The following EFCAB8 variants were observed in gnomAD, a reference collection of about 807,000 sequenced individuals.
EFCAB8 encodes the protein EF-hand calcium binding domain 8.
In EFCAB8, 100 loss-of-function variants were observed where a neutral mutation model predicts 116.3. The ratio of observed to expected loss-of-function variants is 0.86; its 90% CI spans 0.73 to 1.02. The LOEUF (loss-of-function observed/expected upper bound fraction) is 1.02, where lower values mean the gene tolerates loss of function less well. Among genes scored for constraint, EFCAB8 ranks in the 50% least tolerant of loss-of-function variants. The probability of loss-of-function intolerance (pLI) is 0.00; values close to 1 mark genes in which losing one functional copy is unlikely to be tolerated. For synonymous variants in EFCAB8, 558 were observed against 567.9 expected (o/e 0.98, Z 0.25); for missense variants, 1,320 against 1,416.9 (o/e 0.93, Z 1.10).
intron 23 of EFCAB8, among the ~76,000 whole-genome samples, chr20:32,949,238 G>C (rs1215440293): frequency 6.6e-6 from 1 of 152,122 alleles, no homozygotes; most frequent in Non-Finnish European, 1.5e-5. Context: ...TAAATACCAA[G>C]ATATGTAAGT....
chr20:32,884,228 T>C (rs1158288401), intron 5 of EFCAB8, among the ~76,000 whole-genome samples: 5 of 152,248 alleles, frequency 3.3e-5, no homozygotes, highest in African/African-American at 9.6e-5. Flanking sequence ...ACTTAAAACA[T>C]TGGCTTACCT....
At chr20:32,939,231 C>A (rs1988303097) in intron 22 of EFCAB8, among the ~76,000 whole-genome samples, 1 of 109,988 alleles carries the variant, frequency 9.1e-6, no homozygotes, top group Non-Finnish European at 1.8e-5. Flanking sequence ...TCTCTCTTTC[C>A]CTCCCTCCCT....
At chr20:32,939,135 C>G (rs1988262204) in intron 22 of EFCAB8, among the ~76,000 whole-genome samples, 1 of 24,386 alleles carries the variant, frequency 4.1e-5, no homozygotes, top group Non-Finnish European at 7.7e-5. Flanking sequence ...CTCTTTCTTT[C>G]TTTCTTTCTT....
At chr20:32,952,532 A>G (rs1988832634) in intron 23 of EFCAB8, among the ~76,000 whole-genome samples, 1 of 152,194 alleles carries the variant, frequency 6.6e-6, no homozygotes, top group Non-Finnish European at 1.5e-5. Context: ...TACTTTTGTC[A>G]AAAATCAATT....
rs564436508 is a variant in EFCAB8, at chr20:32,892,990, G to A, written c.759-184G>A. Among the ~76,000 whole-genome samples, 17 of 152,094 alleles carry A rather than the reference G, an allele frequency of 1.1e-4. No homozygotes were observed. The East Asian group carries it at 1.5e-3, about 14-fold the overall frequency. On this transcript the variant is annotated intron_variant, in intron 8 of 26. Coordinates refer to ENST00000400522, the MANE Select transcript of EFCAB8 (RefSeq NM_001143967.2). The stretch of plus-strand genomic sequence containing the variant: ...TGAGTAGCTGGGATTACTGGTGCCC[G>A]CCACCACGCTTGGCTAATTTTTGTA...
chr20:32,938,888 TTTCTC>T (rs1988225095), intron 22 of EFCAB8, among the ~76,000 whole-genome samples: 1 of 149,412 alleles, frequency 6.7e-6, no homozygotes, highest in South Asian at 2.1e-4. Context: ...TCCCAGCTGC[TTTCTC>T]TTCTCTTTTC....
intron 17 of EFCAB8, among the ~76,000 whole-genome samples, chr20:32,915,713 C>T (rs531259809): frequency 6.6e-6 from 1 of 151,632 alleles, no homozygotes; most frequent in East Asian, 1.9e-4. Flanking sequence ...GTTTTATGGC[C>T]CAGGCTGGAG....
intron 11 of EFCAB8, among the ~76,000 whole-genome samples, chr20:32,899,011 G>T (rs756147338): frequency 1.3e-5 from 2 of 152,180 alleles, no homozygotes; most frequent in Non-Finnish European, 2.9e-5. Flanking sequence ...GGCAGCATTG[G>T]TTCTTTGCAG....
At chr20:32,880,720 C>T (rs13038628) in intron 5 of EFCAB8, among the ~76,000 whole-genome samples, 4,299 of 151,998 alleles carry the variant, frequency 0.028, 94 homozygotes, top group Non-Finnish European at 0.043. Context: ...ATGTGTAGGG[C>T]GAGGTATGGG....
intron 20 of EFCAB8, 117 bp downstream of exon 20, chr20:32,920,332 G>A: frequency 7.3e-7 from 1 of 1,377,148 alleles, no homozygotes. Context: ...TCTCCCCAGT[G>A]CCCGGAAGGC....
chr20:32,916,516 C>T (rs1987196956), intron 17 of EFCAB8, among the ~76,000 whole-genome samples: 1 of 152,146 alleles, frequency 6.6e-6, no homozygotes. Context: ...TCCTTGGCCC[C>T]TCAAAGTGCT....
In EFCAB8 at chr20:32,892,261, T is replaced by A; in HGVS notation, c.722T>A (p.Val241Asp). ...AAATGTGTCCGGGCCTTCACCTTTG[T>A]TGATCTGGACAGCTGTGCTCTGGTC... ...DHKCVRAFTF[V>D]DLDSCALVMD... is the part of the protein sequence containing the mutation. The change falls in exon 8 of 27, where the codon GTT becomes GAT. Residue 241 changes from valine (V) to aspartate (D), a missense_variant. Physicochemically the swap from Val to Asp is radical, Grantham distance 152 (BLOSUM62 -3). Transcript: ENST00000400522. The A allele has an allele frequency of 6.4e-7, 1 of 1,551,702 alleles. No homozygotes were observed.
At chr20:32,944,250 C>T (rs73249264) in intron 23 of EFCAB8, among the ~76,000 whole-genome samples, 10,898 of 152,078 alleles carry the variant, frequency 0.072, 590 homozygotes, top group African/African-American at 0.15. Context: ...CCTTTTCCTC[C>T]TGTGCTGTCT....
chr20:32,898,489 C>T lies in EFCAB8; in HGVS notation c.958-4C>T. The T allele has an allele frequency of 1.4e-6, 1 of 717,228 alleles. No homozygotes were observed. The highest frequency in any genetic ancestry group is 2.6e-6 in the Non-Finnish European group (1 of 384,016). The allele number at this position is 717,228 out of a possible 1,614,324, so 44.4% of individuals were successfully genotyped here. ...GTCTCCCACCATTGCTACTGTCTTC[C>T]CAGGCTCTCCATCCCAACTGGTGTG... On this transcript the variant is annotated splice_polypyrimidine_tract_variant and splice_region_variant and intron_variant, in intron 10 of 26. Transcript: ENST00000400522.
intron 23 of EFCAB8, among the ~76,000 whole-genome samples, chr20:32,948,022 A>G (rs1210597398): frequency 6.6e-6 from 1 of 152,170 alleles, no homozygotes; most frequent in East Asian, 1.9e-4. Context: ...GTAAAAAATA[A>G]TAAGGAAAAT....
intron 7 of EFCAB8, among the ~76,000 whole-genome samples, chr20:32,891,097 G>T (rs1353526741): frequency 6.6e-6 from 1 of 152,086 alleles, no homozygotes; most frequent in Non-Finnish European, 1.5e-5. Flanking sequence ...CTGAGAATTT[G>T]GTGTTAAAAC....
Position 32,911,661 on chromosome 20 carries a change from A to T in EFCAB8, c.1739A>T (p.Asn580Ile). 1 of 1,551,762 alleles carries T rather than the reference A, an allele frequency of 6.4e-7. No homozygotes were observed. Among genetic ancestry groups the T allele is most frequent in the Non-Finnish European group, 8.7e-7 (1 of 1,147,010 alleles). Residue 580 changes from asparagine to isoleucine, a missense_variant, in exon 16 of 27, where the codon AAC becomes ATC. Transcript: ENST00000400522. Reference sequence around the variant, plus strand: ...GGCACAATGAAGATGTGGAACTACAACATTGGCAAATGCCTGTTGACCTTT... The same window carrying T: ...GGCACAATGAAGATGTGGAACTACATCATTGGCAAATGCCTGTTGACCTTT... ...RDGTMKMWNY[N>I]IGKCLLTFPS...
At chr20:32,864,287 T>C (rs527781473) in intron 2 of EFCAB8, among the ~76,000 whole-genome samples, 3 of 151,596 alleles carry the variant, frequency 2.0e-5, no homozygotes, top group South Asian at 4.2e-4. Context: ...AGTGTACTTT[T>C]AAAGGGCTGC....
chr20:32,927,616 A>C (rs747464221), intron 20 of EFCAB8, among the ~76,000 whole-genome samples: 1 of 152,186 alleles, frequency 6.6e-6, no homozygotes, highest in Admixed American at 6.5e-5. Context: ...AAATGCTGGG[A>C]TTAGAGGCGA....
Sources: gnomAD v4.1 joint callset for allele counts (sites outside exome capture counted in the v4.1 genomes callset) on GRCh38, gnomAD v4.1.1 for gene constraint, MANE v1.5 for transcripts, NCBI Gene and HGNC (gene_info 2026-07-23, HGNC 2026-07-21) for gene names.